CAPN3: variants seen among roughly 807,000 people sequenced by gnomAD.
CAPN3 encodes calpain-3.
A neutral mutation model predicts 114.0 loss-of-function variants in CAPN3; 88 were observed. That is an observed-to-expected ratio of 0.77 (90% CI 0.65 to 0.92). CAPN3 has a LOEUF of 0.92. Among genes scored for constraint, CAPN3 ranks in the 40% least tolerant of loss-of-function variants. The pLI is 0.00. For missense variants in CAPN3, 1,028 were observed against 1,069.0 expected (o/e 0.96, Z 0.53); for synonymous variants, 386 against 382.9 (o/e 1.01, Z -0.09).
At chr15:42,368,949 T>TA (rs1422433785) in intron 1 of CAPN3, among the ~76,000 whole-genome samples, 3 of 152,202 alleles carry the variant, frequency 2.0e-5, no homozygotes, top group African/African-American at 7.2e-5. Context: ...CTGTAAGAGT[T>TA]AAAAAGAAAG....
At chr15:42,400,969 G>A (rs1466501679) in intron 10 of CAPN3, among the ~76,000 whole-genome samples, 1 of 152,108 alleles carries the variant, frequency 6.6e-6, no homozygotes, top group Non-Finnish European at 1.5e-5. Flanking sequence ...TGAGGCAGGC[G>A]GATCACTTGT....
intron 9 of CAPN3, among the ~76,000 whole-genome samples, chr15:42,398,096 T>C (rs2053752520): frequency 6.6e-6 from 1 of 151,198 alleles, no homozygotes; most frequent in Non-Finnish European, 1.5e-5. Context: ...ATCATAGCTA[T>C]ATATATTTTT....
intron 1 of CAPN3, among the ~76,000 whole-genome samples, chr15:42,377,310 A>G (rs1001490421): frequency 1.1e-4 from 16 of 152,126 alleles, no homozygotes; most frequent in African/African-American, 3.9e-4. Context: ...ATTATTTTTG[A>G]AAGTGGATGA....
chr15:42,377,050 T>C (rs754574884), intron 1 of CAPN3, among the ~76,000 whole-genome samples: 3 of 152,214 alleles, frequency 2.0e-5, no homozygotes, highest in Non-Finnish European at 4.4e-5. Flanking sequence ...ACTTATTAGT[T>C]CCCAGTGGAT....
intron 13 of CAPN3, 125 bp from the exon 14 acceptor site, chr15:42,403,616 C>T: frequency 1.1e-6 from 1 of 873,512 alleles, no homozygotes; most frequent in Non-Finnish European, 2.0e-6. Flanking sequence ...TGGGGTGTTC[C>T]AGGGGTTCTC....
intron 9 of CAPN3, among the ~76,000 whole-genome samples, chr15:42,398,626 CACACACACAT>C (rs1216165840): frequency 9.3e-5 from 13 of 139,190 alleles, no homozygotes; most frequent in East Asian, 2.0e-4. Flanking sequence ...CACACACACA[CACACACACAT>C]ATATATACAC....
chr15:42,402,359 T>A, intron 12 of CAPN3: 1 of 1,470,100 alleles, frequency 6.8e-7, no homozygotes, highest in Non-Finnish European at 9.0e-7. Flanking sequence ...CACCAGACAC[T>A]GCACGTCACA....
chr15:42,378,241 C>T (rs993585413), intron 1 of CAPN3, among the ~76,000 whole-genome samples: 10 of 152,174 alleles, frequency 6.6e-5, no homozygotes, highest in Non-Finnish European at 1.2e-4. Context: ...AATCTGGTTG[C>T]CCCCACCCCG....
At chr15:42,373,209 A>T (rs1437084069) in intron 1 of CAPN3, among the ~76,000 whole-genome samples, 3 of 152,162 alleles carry the variant, frequency 2.0e-5, no homozygotes, top group African/African-American at 7.2e-5. Context: ...AAATAAATAA[A>T]TAAGTAAAGT....
Position 42,411,809 on chromosome 15 carries a change from C to T in CAPN3, c.*36C>T. The T allele has an allele frequency of 1.2e-6, 2 of 1,613,386 alleles. No individual in the cohort carries two copies. The highest frequency in any genetic ancestry group is 1.7e-6 in the Non-Finnish European group (2 of 1,179,780). Reference sequence around the variant, plus strand: ...CCTCATCCAAAGCCATGCAGGATCACTCAGGATTTCAGTTTCACCCTCTAT... The same window carrying T: ...CCTCATCCAAAGCCATGCAGGATCATTCAGGATTTCAGTTTCACCCTCTAT... On this transcript the variant is annotated 3_prime_UTR_variant, in exon 24 of 24. Transcript: ENST00000397163.
intron 12 of CAPN3, chr15:42,402,358 C>T: frequency 6.8e-7 from 1 of 1,470,372 alleles, no homozygotes; most frequent in South Asian, 1.4e-5. Context: ...GCACCAGACA[C>T]TGCACGTCAC....
intron 1 of CAPN3, among the ~76,000 whole-genome samples, chr15:42,363,774 A>G (rs1460326955): frequency 1.3e-5 from 2 of 152,184 alleles, no homozygotes; most frequent in Non-Finnish European, 2.9e-5. Flanking sequence ...CTTCACAACA[A>G]TCCTGTGAGG....
intron 21 of CAPN3, 79 bp downstream of exon 21, chr15:42,410,745 G>C: frequency 5.1e-6 from 7 of 1,368,088 alleles, no homozygotes; most frequent in Non-Finnish European, 6.3e-6. Context: ...GGCTACTAGG[G>C]CCCCACTAGA....
At chr15:42,365,951 G>A (rs1160393629) in intron 1 of CAPN3, among the ~76,000 whole-genome samples, 1 of 152,142 alleles carries the variant, frequency 6.6e-6, no homozygotes, top group African/African-American at 2.4e-5. Flanking sequence ...TTTAAGAATA[G>A]AGTTTAGATA....
At chr15:42,378,040 C>T (rs540766297) in intron 1 of CAPN3, among the ~76,000 whole-genome samples, 2 of 152,134 alleles carry the variant, frequency 1.3e-5, no homozygotes, top group African/African-American at 4.8e-5. Context: ...CCAGCTCGTG[C>T]GACGGATGAA....
chr15:42,373,156 G>T (rs572603931), intron 1 of CAPN3, among the ~76,000 whole-genome samples: 16 of 152,074 alleles, frequency 1.1e-4, no homozygotes, highest in Non-Finnish European at 1.6e-4. Flanking sequence ...TCATGCCACC[G>T]CACTCCAGCC....
At chr15:42,386,138 C>G in intron 2 of CAPN3, 29 bp from the exon 3 acceptor site, 1 of 1,509,518 alleles carries the variant, frequency 6.6e-7, no homozygotes, top group Non-Finnish European at 9.2e-7. Flanking sequence ...CAGGAGTGCT[C>G]ACGATCTGTG....
At position 42,386,301 on chromosome 15, in the gene CAPN3, T is replaced by A. The variant is rs539965498; in HGVS notation, c.498+16T>A. The A allele has an allele frequency of 9.5e-6, 15 of 1,575,486 alleles. No homozygotes were observed. The African/African-American group carries it at 1.1e-4, about 11-fold the overall frequency. On this transcript the variant is annotated intron_variant, in intron 3 of 23. Coordinates refer to ENST00000397163, the MANE Select transcript of CAPN3 (RefSeq NM_000070.3). ...CCACTTCCAGGTGAGGTAATGAGAG[T>A]GTAGTTAAGAGGGCCAGCGGCAGGC...
intron 9 of CAPN3, among the ~76,000 whole-genome samples, chr15:42,397,980 C>A (rs2053749352): frequency 6.6e-6 from 1 of 152,074 alleles, no homozygotes; most frequent in East Asian, 1.9e-4. Context: ...ATGATTGTAC[C>A]ACTGCAGTCC....
Sources: allele counts gnomAD v4.1 joint callset (sites outside exome capture counted in the v4.1 genomes callset), GRCh38; gene constraint gnomAD v4.1.1; transcripts MANE v1.5; gene names NCBI Gene and HGNC (gene_info 2026-07-23, HGNC 2026-07-21).